The following SUN5 variants were observed in gnomAD, a reference collection of about 807,000 sequenced individuals.
SUN5 encodes SUN domain-containing protein 5.
A neutral mutation model predicts 53.7 loss-of-function variants in SUN5; 44 were observed. The observed-to-expected ratio is 0.82, with a 90% CI of 0.64 to 1.05. SUN5 has a LOEUF of 1.05. Ranked by LOEUF, SUN5 falls within the 50% of genes least tolerant of loss-of-function variation. SUN5 has a pLI of 0.00. For missense variants in SUN5, 433 were observed against 483.8 expected (o/e 0.90, Z 0.98); for synonymous variants, 166 against 179.8 (o/e 0.92, Z 0.62).
chr20:32,992,304 T>A (rs1989730482), intron 8 of SUN5, among the ~76,000 whole-genome samples: 1 of 152,214 alleles, frequency 6.6e-6, no homozygotes, highest in Admixed American at 6.5e-5. Context: ...ACCACTGATT[T>A]AGCAGAAATG....
At chr20:32,988,909 T>A (rs555775943) in intron 9 of SUN5, among the ~76,000 whole-genome samples, 12 of 148,822 alleles carry the variant, frequency 8.1e-5, no homozygotes, top group East Asian at 6.0e-4. Flanking sequence ...GATTCTTTTT[T>A]TTATTATTAT....
At chr20:32,989,809 A>C in intron 8 of SUN5, 111 bp from the exon 9 acceptor site, 4 of 868,374 alleles carry the variant, frequency 4.6e-6, no homozygotes, top group Non-Finnish European at 7.5e-6. Context: ...TCTCCCTAAC[A>C]GCCCACCCCT....
At chr20:32,989,831 C>A in intron 8 of SUN5, 133 bp from the exon 9 acceptor site, 1 of 743,426 alleles carries the variant, frequency 1.3e-6, no homozygotes, top group African/African-American at 1.7e-5. Context: ...CCTGTGGAAG[C>A]CTGTGGCTCT....
At position 32,989,653 on chromosome 20, in the gene SUN5, T is replaced by A; in HGVS notation, c.580A>T (p.Ile194Phe). 2 of 1,614,098 alleles carry A rather than the reference T, an allele frequency of 1.2e-6. No homozygotes were observed. Among genetic ancestry groups the A allele is most frequent in the Non-Finnish European group, 1.7e-6 (2 of 1,180,016 alleles). The change falls in exon 9 of 13, where the codon ATC becomes TTC. Residue 194 changes from isoleucine to phenylalanine, a missense_variant. Transcript: ENST00000356173. ...KIMKMIHGDY[I>F]EKPDFALKSI... ...TTCAGGGCAAAGTCTGGCTTTTCGA[T>A]GTAATCTCCGTGTATCATCTTCATT...
intron 6 of SUN5, 128 bp from the exon 7 acceptor site, chr20:32,996,486 C>T (rs1235106641): frequency 1.4e-6 from 1 of 712,392 alleles, no homozygotes; most frequent in Non-Finnish European, 2.3e-6. Context: ...TTGACTCTTC[C>T]ACCCGTCTAC....
At chr20:32,986,768 G>A (rs918750057) in intron 10 of SUN5, among the ~76,000 whole-genome samples, 1 of 152,188 alleles carries the variant, frequency 6.6e-6, no homozygotes, top group African/African-American at 2.4e-5. Flanking sequence ...AAACCTGACT[G>A]CAGCCAGCGC....
At chr20:33,000,932 C>A (rs1989987957) in intron 4 of SUN5, among the ~76,000 whole-genome samples, 1 of 151,934 alleles carries the variant, frequency 6.6e-6, no homozygotes, top group Non-Finnish European at 1.5e-5. Flanking sequence ...GAGTGAGAAC[C>A]CTGGCCTTGC....
chr20:32,990,801 G>A (rs577732503), intron 8 of SUN5, among the ~76,000 whole-genome samples: 6 of 152,250 alleles, frequency 3.9e-5, no homozygotes, highest in African/African-American at 1.4e-4. Flanking sequence ...AGATACCATG[G>A]AACACAGACA....
chr20:32,988,986 C>T (rs1989625684), intron 9 of SUN5, among the ~76,000 whole-genome samples: 3 of 151,878 alleles, frequency 2.0e-5, no homozygotes, highest in African/African-American at 4.8e-5. Flanking sequence ...AGTGCTGTGG[C>T]GCGATCTAGG....
At chr20:33,002,456 C>G in intron 3 of SUN5, 131 bp downstream of exon 3, 1 of 832,672 alleles carries the variant, frequency 1.2e-6, no homozygotes, top group Non-Finnish European at 2.0e-6. Flanking sequence ...CTCCAGAGTT[C>G]AACCTGCAGC....
At chr20:32,997,551 G>A (rs766519549) in intron 6 of SUN5, 87 bp downstream of exon 6, 24 of 1,484,514 alleles carry the variant, frequency 1.6e-5, no homozygotes, top group Non-Finnish European at 2.2e-5. Context: ...GCCCCATTTG[G>A]TGAGAATGAA....
Position 32,985,106 on chromosome 20 carries a change from G to A in SUN5, c.977C>T (p.Pro326Leu), listed in dbSNP as rs1013710619. The A allele has an allele frequency of 5.0e-6, 8 of 1,614,006 alleles. No individual in the cohort carries two copies. In the African/African-American group the frequency reaches 6.7e-5, roughly 13 times the overall value. Residue 326 changes from proline to leucine, a missense_variant, in exon 12 of 13, where the codon CCA (proline) becomes CTA (leucine). By Grantham distance (98) the Pro-to-Leu change is moderately conservative. Coordinates refer to ENST00000356173, the MANE Select transcript of SUN5 (RefSeq NM_080675.4). ...FQPENIIQMFPLQNQPARAFS... is the reference protein window; with the variant it reads ...FQPENIIQMFLLQNQPARAFS... Reference sequence around the variant, plus strand: ...GCAGCTCTTCGCAGGTACCTGGAGTGGGAACATCTGGATGATGTTTTCTGG... The same window carrying A: ...GCAGCTCTTCGCAGGTACCTGGAGTAGGAACATCTGGATGATGTTTTCTGG...
chr20:32,990,394 A>T (rs1989680092), intron 8 of SUN5, among the ~76,000 whole-genome samples: 1 of 152,148 alleles, frequency 6.6e-6, no homozygotes, highest in African/African-American at 2.4e-5. Context: ...GTGGTGGAAG[A>T]TTCTGTTTTC....
chr20:32,985,986 C>A, intron 10 of SUN5, 83 bp from the exon 11 acceptor site: 1 of 1,472,682 alleles, frequency 6.8e-7, no homozygotes, highest in Non-Finnish European at 9.2e-7. Flanking sequence ...TTCCTGGGAC[C>A]TCCTGGGTGA....
Position 32,990,720 on chromosome 20 carries a change from G to C in SUN5, c.535-1022C>G, listed in dbSNP as rs537971839. 2.0e-5 allele frequency among the ~76,000 whole-genome samples: 3 copies of C among 152,314 alleles called. No individual in the cohort carries two copies. The South Asian group carries it at 6.2e-4, about 32-fold the overall frequency. ...CCAGCATCAATCTCCAGTCACGTGAGTGAATCCAGATGATTCCAGCCCCAG... is the reference window on the plus strand; with the variant it reads ...CCAGCATCAATCTCCAGTCACGTGACTGAATCCAGATGATTCCAGCCCCAG... On this transcript the variant is annotated intron_variant, in intron 8 of 12. Coordinates refer to ENST00000356173, the MANE Select transcript of SUN5 (RefSeq NM_080675.4).
rs1284907607 is a variant in SUN5 at position 32,985,799 on chromosome 20, G to A, written c.834C>T (p.His278=). 1 of 1,614,174 alleles carries A rather than the reference G, an allele frequency of 6.2e-7. No individual in the cohort carries two copies. Among genetic ancestry groups the A allele is most frequent in the Admixed American group, 1.7e-5 (1 of 60,022 alleles). ...KVYLSNLTLQ[H]IPKTISLSGS... Reference sequence around the variant, plus strand: ...CTGACAATGAGATGGTCTTGGGGATGTGCTGCAGCGTGAGGTTGGACAGGT... The same window carrying A: ...CTGACAATGAGATGGTCTTGGGGATATGCTGCAGCGTGAGGTTGGACAGGT... The change falls in exon 11 of 13, where the codon CAC becomes CAT. Residue 278 remains histidine (H), a synonymous_variant. Coordinates refer to ENST00000356173, the MANE Select transcript of SUN5 (RefSeq NM_080675.4).
chr20:32,996,461 T>G (rs1204562922), intron 6 of SUN5, 103 bp from the exon 7 acceptor site: 2 of 1,029,198 alleles, frequency 1.9e-6, no homozygotes, highest in Non-Finnish European at 2.9e-6. Context: ...ACCCATACAT[T>G]CATCCACTTT....
intron 8 of SUN5, among the ~76,000 whole-genome samples, chr20:32,993,216 A>G (rs1418528069): frequency 6.6e-6 from 1 of 152,240 alleles, no homozygotes; most frequent in Non-Finnish European, 1.5e-5. Flanking sequence ...TTAGGCCCAA[A>G]GGCCAGGAGT....
At position 32,997,436 on chromosome 20, in the gene SUN5, G is replaced by A. The variant is rs538588541; in HGVS notation, c.390+202C>T. ...GAGCCATCTTGGAGGAGGGACTATTGCATCCAATCTTTGAAAGTCACCTCT... is the reference window on the plus strand; with the variant it reads ...GAGCCATCTTGGAGGAGGGACTATTACATCCAATCTTTGAAAGTCACCTCT... On this transcript the variant is annotated intron_variant, in intron 6 of 12. Transcript: ENST00000356173. Among the ~76,000 whole-genome samples the A allele has an allele frequency of 2.6e-5, 4 of 152,216 alleles. No homozygotes were observed. In the South Asian group the frequency reaches 6.2e-4, roughly 24 times the overall value.
Sources: allele counts gnomAD v4.1 joint callset (sites outside exome capture counted in the v4.1 genomes callset), GRCh38; gene constraint gnomAD v4.1.1; transcripts MANE v1.5; gene names NCBI Gene and HGNC (gene_info 2026-07-23, HGNC 2026-07-21).